ADAMTS6: variants seen among roughly 807,000 people sequenced by gnomAD.
ADAMTS6 encodes the protein ADAM metallopeptidase with thrombospondin type 1 motif 6.
A neutral mutation model predicts 144.3 loss-of-function variants in ADAMTS6; 23 were observed. The observed-to-expected ratio is 0.16, with a 90% CI of 0.11 to 0.23. The LOEUF (loss-of-function observed/expected upper bound fraction) is 0.23, where lower values mean the gene tolerates loss of function less well. Ranked by LOEUF, ADAMTS6 falls within the 10% of genes least tolerant of loss-of-function variation. ADAMTS6 has a pLI of 1.00. For synonymous variants in ADAMTS6, 444 were observed against 457.5 expected, an observed-to-expected ratio of 0.97 and a Z score of 0.38; for missense variants, 999 against 1,379.6, an observed-to-expected ratio of 0.72 and a Z score of 4.37.
At chr5:65,218,064 A>G (rs191262975) in intron 18 of ADAMTS6, among the ~76,000 whole-genome samples, 23 of 152,308 alleles carry the variant, frequency 1.5e-4, no homozygotes, top group Admixed American at 1.5e-3. Flanking sequence ...GGGAAGGCTG[A>G]CATAGCTGGA....
At chr5:65,427,565 G>A (rs1756648438) in intron 7 of ADAMTS6, among the ~76,000 whole-genome samples, 1 of 152,096 alleles carries the variant, frequency 6.6e-6, no homozygotes, top group Admixed American at 6.5e-5. Flanking sequence ...TTGGGAGGCC[G>A]AGGCAGGCGG....
chr5:65,204,017 C>T (rs1019258254), intron 20 of ADAMTS6, among the ~76,000 whole-genome samples: 2 of 152,066 alleles, frequency 1.3e-5, no homozygotes, highest in African/African-American at 2.4e-5. Flanking sequence ...TAAAGCAACA[C>T]AAATGATGAA....
chr5:65,389,711 TGGCTG>T (rs1377019784), intron 7 of ADAMTS6, among the ~76,000 whole-genome samples: 5 of 152,086 alleles, frequency 3.3e-5, no homozygotes, highest in Non-Finnish European at 7.4e-5. Context: ...ATCTGGCATT[TGGCTG>T]GGCTTATTTG....
intron 8 of ADAMTS6, among the ~76,000 whole-genome samples, chr5:65,331,809 A>G (rs1048837193): frequency 1.3e-5 from 2 of 152,016 alleles, no homozygotes; most frequent in Non-Finnish European, 2.9e-5. Context: ...TGTACTGATA[A>G]TATATTTTCC....
At chr5:65,212,421 C>T (rs867943240) in intron 20 of ADAMTS6, among the ~76,000 whole-genome samples, 3 of 117,280 alleles carry the variant, frequency 2.6e-5, no homozygotes, top group Non-Finnish European at 5.3e-5. Context: ...GCTTTTCTCT[C>T]TCTTTTTTTT....
intron 21 of ADAMTS6, among the ~76,000 whole-genome samples, chr5:65,192,961 C>T (rs367927872): frequency 6.6e-6 from 1 of 151,854 alleles, no homozygotes; most frequent in Non-Finnish European, 1.5e-5. Context: ...TAACTAAAGA[C>T]ATTTGAAATA....
intron 7 of ADAMTS6, among the ~76,000 whole-genome samples, chr5:65,392,872 A>G (rs1465577505): frequency 3.9e-5 from 6 of 152,190 alleles, no homozygotes; most frequent in African/African-American, 1.4e-4. Context: ...ATAATCATGA[A>G]ATATTAAAAT....
At chr5:65,229,038 C>T (rs997750252) in intron 15 of ADAMTS6, among the ~76,000 whole-genome samples, 2 of 152,212 alleles carry the variant, frequency 1.3e-5, no homozygotes, top group South Asian at 2.1e-4. Flanking sequence ...AGGCCAGCAG[C>T]CCAAGCATGC....
At chr5:65,359,359 AATCAT>A (rs1749615975) in intron 7 of ADAMTS6, among the ~76,000 whole-genome samples, 1 of 152,120 alleles carries the variant, frequency 6.6e-6, no homozygotes, top group African/African-American at 2.4e-5. Flanking sequence ...CACAATGAGA[AATCAT>A]ATCATACCTG....
At chr5:65,282,966 A>C (rs947499837) in intron 11 of ADAMTS6, among the ~76,000 whole-genome samples, 1 of 152,178 alleles carries the variant, frequency 6.6e-6, no homozygotes, top group Non-Finnish European at 1.5e-5. Context: ...AGACTAAAAA[A>C]GAGACATGCG....
At chr5:65,198,302 C>T (rs1265868244) in intron 20 of ADAMTS6, among the ~76,000 whole-genome samples, 1 of 151,836 alleles carries the variant, frequency 6.6e-6, no homozygotes, top group Non-Finnish European at 1.5e-5. Flanking sequence ...TAGCTAATCC[C>T]ACACAATCCT....
chr5:65,275,039 C>A (rs904850380), intron 11 of ADAMTS6, among the ~76,000 whole-genome samples: 8 of 151,404 alleles, frequency 5.3e-5, no homozygotes, highest in Non-Finnish European at 8.8e-5. Flanking sequence ...GAACTAGTGG[C>A]CTAGAGAGAC....
intron 7 of ADAMTS6, among the ~76,000 whole-genome samples, chr5:65,436,696 A>C (rs1352764647): frequency 1.5e-5 from 2 of 134,444 alleles, no homozygotes; most frequent in East Asian, 4.0e-4. Flanking sequence ...AAAAACCAAA[A>C]AACAAAAAAC....
At chr5:65,225,121 CTTAT>C in intron 16 of ADAMTS6, 74 bp from the exon 17 acceptor site, 1 of 1,398,200 alleles carries the variant, frequency 7.2e-7, no homozygotes, top group Non-Finnish European at 9.5e-7. Context: ...ATACATATAA[CTTAT>C]TTATTTGCTT....
chr5:65,179,471 C>T (rs1754197733), intron 22 of ADAMTS6, among the ~76,000 whole-genome samples: 1 of 151,882 alleles, frequency 6.6e-6, no homozygotes, highest in Non-Finnish European at 1.5e-5. Flanking sequence ...AAAGGGGTGC[C>T]CAAACAAGTC....
At chr5:65,320,764 T>C (rs1226499334) in intron 9 of ADAMTS6, among the ~76,000 whole-genome samples, 1 of 152,176 alleles carries the variant, frequency 6.6e-6, no homozygotes, top group Non-Finnish European at 1.5e-5. Flanking sequence ...TATGTTCTCA[T>C]AATTTAGCTC....
At chr5:65,479,522 C>T (rs1168943756) in intron 1 of ADAMTS6, among the ~76,000 whole-genome samples, 1 of 152,116 alleles carries the variant, frequency 6.6e-6, no homozygotes, top group East Asian at 1.9e-4. Flanking sequence ...TGATAATCAA[C>T]CATGTTTTTT....
At chr5:65,397,881 A>C (rs918641988) in intron 7 of ADAMTS6, among the ~76,000 whole-genome samples, 65 of 151,432 alleles carry the variant, frequency 4.3e-4, no homozygotes, top group African/African-American at 1.6e-3. Context: ...TGTCTTAAAA[A>C]AAAAAAAAAA....
chr5:65,412,399 T>C (rs1185187134), intron 7 of ADAMTS6, among the ~76,000 whole-genome samples: 1 of 151,846 alleles, frequency 6.6e-6, no homozygotes, highest in Non-Finnish European at 1.5e-5. Flanking sequence ...CACACTTGCA[T>C]ACACACATAC....
Sources: allele counts gnomAD v4.1 joint callset (sites outside exome capture counted in the v4.1 genomes callset), GRCh38; gene constraint gnomAD v4.1.1; transcripts MANE v1.5; gene names NCBI Gene and HGNC (gene_info 2026-07-23, HGNC 2026-07-21).